The following ACP2 variants were observed in gnomAD, a reference collection of about 807,000 sequenced individuals.
The protein encoded by ACP2 is lysosomal acid phosphatase.
A neutral mutation model predicts 54.7 loss-of-function variants in ACP2; 35 were observed. The ratio of observed to expected loss-of-function variants is 0.64; its 90% CI spans 0.49 to 0.85. The LOEUF is 0.85. Ranked by LOEUF, ACP2 falls within the 40% of genes least tolerant of loss-of-function variation. ACP2 has a pLI of 0.00. For synonymous variants in ACP2, 210 were observed against 224.4 expected (o/e 0.94, Z 0.57); for missense variants, 492 against 565.0 (o/e 0.87, Z 1.31).
At chr11:47,242,047 C>T (rs182360468) in intron 10 of ACP2, among the ~76,000 whole-genome samples, 46 of 152,244 alleles carry the variant, frequency 3.0e-4, no homozygotes, top group Non-Finnish European at 6.0e-4. Context: ...CTGGGTCATC[C>T]GTTCTTTAGT....
In ACP2 at chr11:47,245,720, G is replaced by A. The variant is rs1269498222; in HGVS notation, c.412C>T (p.Pro138Ser). ...ATGGGCACAGTGTGCACAGGAATAGGCTGCCACGAGATGTTCGGGTTGAAG... is the reference window on the plus strand; with the variant it reads ...ATGGGCACAGTGTGCACAGGAATAGACTGCCACGAGATGTTCGGGTTGAAG... ...QRFNPNISWQ[P>S]IPVHTVPITE... Residue 138 changes from proline to serine, a missense_variant, in exon 4 of 11, where the codon CCT becomes TCT. Physicochemically the swap from Pro to Ser is moderately conservative, Grantham distance 74 (BLOSUM62 -1). Transcript: ENST00000672073. 1 of 1,613,844 alleles carries A rather than the reference G, an allele frequency of 6.2e-7. No individual in the cohort carries two copies. Among genetic ancestry groups the A allele is most frequent in the East Asian group, 2.2e-5 (1 of 44,866 alleles).
chr11:47,243,635 G>A (rs534501632), intron 7 of ACP2, among the ~76,000 whole-genome samples: 7 of 152,184 alleles, frequency 4.6e-5, no homozygotes, highest in African/African-American at 7.2e-5. Context: ...AGTACACAGC[G>A]GGTGGGTGCA....
chr11:47,241,572 T>A (rs1197961589), intron 10 of ACP2, among the ~76,000 whole-genome samples: 2 of 152,140 alleles, frequency 1.3e-5, no homozygotes, highest in African/African-American at 4.8e-5. Context: ...GGGACAAGAA[T>A]AGAACCAGAA....
intron 10 of ACP2, among the ~76,000 whole-genome samples, chr11:47,241,717 T>C (rs1953887327): frequency 1.3e-5 from 2 of 152,156 alleles, no homozygotes; most frequent in South Asian, 4.1e-4. Context: ...AGAAACGGTA[T>C]GCAGAATGAC....
At chr11:47,245,251 T>C in intron 6 of ACP2, 54 bp downstream of exon 6, 1 of 1,575,060 alleles carries the variant, frequency 6.3e-7, no homozygotes, top group African/African-American at 1.3e-5. Flanking sequence ...CCTGGTGACC[T>C]GGGCCTGCTG....
At chr11:47,242,591 G>T in intron 10 of ACP2, 132 bp downstream of exon 10, 1 of 1,041,434 alleles carries the variant, frequency 9.6e-7, no homozygotes, top group Non-Finnish European at 1.4e-6. Context: ...GTATAAAGCA[G>T]TCTGGGGTCG....
At chr11:47,240,427 C>T (rs901146303) in intron 10 of ACP2, among the ~76,000 whole-genome samples, 178 bp from the exon 11 acceptor site, 55 of 152,226 alleles carry the variant, frequency 3.6e-4, no homozygotes, top group African/African-American at 8.4e-4. Context: ...CAGTGGCTCA[C>T]GCCTATAATC....
chr11:47,244,998 A>G, intron 6 of ACP2, 131 bp from the exon 7 acceptor site: 2 of 1,443,182 alleles, frequency 1.4e-6, no homozygotes, highest in East Asian at 2.5e-5. Context: ...AGGGGCTGGA[A>G]CCAGTAGACA....
Position 47,244,756 on chromosome 11 carries a change from C to T in ACP2, c.751G>A (p.Glu251Lys). 1 of 1,609,988 alleles carries T rather than the reference C, an allele frequency of 6.2e-7. No individual in the cohort carries two copies. The highest frequency in any genetic ancestry group is 2.2e-5 in the East Asian group (1 of 44,746). The change falls in exon 7 of 11, where the codon GAG becomes AAG. Residue 251 changes from glutamate to lysine, a missense_variant. Glu to Lys is a moderately conservative substitution (Grantham distance 56). Coordinates refer to ENST00000672073, the MANE Select transcript of ACP2 (RefSeq NM_001610.4). Reference sequence around the variant, plus strand: ...TCACCCCCCTGAAGCCGGGCCTTCTCCGCCTGCTGGTAGATTCCGAAGAGG... The same window carrying T: ...TCACCCCCCTGAAGCCGGGCCTTCTTCGCCTGCTGGTAGATTCCGAAGAGG... Reference protein sequence around the residue: ...RFLFGIYQQAEKARLQGGVLL... With the variant: ...RFLFGIYQQAKKARLQGGVLL...
In ACP2 at chr11:47,244,875, T is replaced by A. The variant is rs1415076151; in HGVS notation, c.640-8A>T. On this transcript the variant is annotated splice_region_variant and splice_polypyrimidine_tract_variant and intron_variant, in intron 6 of 10. Coordinates refer to ENST00000672073, the MANE Select transcript of ACP2 (RefSeq NM_001610.4). ...GCGCAGCCCGTGCGTTTGCTGTGTA[T>A]CGCAGCAGGCAGGTTAGCGCCCCAG... 6.3e-7 allele frequency: 1 copy of A among 1,597,862 alleles called. No homozygotes were observed. The highest frequency in any genetic ancestry group is 1.7e-5 in the Admixed American group (1 of 58,586).
chr11:47,248,632 C>T (rs1954331534), intron 1 of ACP2, 44 bp downstream of exon 1: 2 of 1,579,172 alleles, frequency 1.3e-6, no homozygotes, highest in South Asian at 2.3e-5. Flanking sequence ...GGCCTTTGCC[C>T]TTTTAGCTTC....
At position 47,245,816 on chromosome 11, in the gene ACP2, C is replaced by G; in HGVS notation, c.316G>C (p.Asp106His). The G allele has an allele frequency of 6.3e-7, 1 of 1,583,528 alleles. No homozygotes were observed. The change falls in exon 4 of 11, where the codon GAC (aspartate) becomes CAC (histidine). Residue 106 changes from aspartate to histidine, a missense_variant. Asp to His is a moderately conservative substitution (Grantham distance 81). Transcript: ENST00000672073. ...GCACTCATGAGAGTCCGGTCAAAGT[C>G]TGTGCTTCGCACATAAACCTGCAGC... ...HRQEVYVRSTDFDRTLMSAEA... is the reference protein window; with the variant it reads ...HRQEVYVRSTHFDRTLMSAEA...
Position 47,240,206 on chromosome 11 carries a change from G to A in ACP2, c.1182C>T (p.Leu394=), listed in dbSNP as rs751174755. 1 of 1,612,152 alleles carries A rather than the reference G, an allele frequency of 6.2e-7. No homozygotes were observed. The highest frequency in any genetic ancestry group is 1.7e-4 in the Middle Eastern group (1 of 6,056). The stretch of plus-strand genomic sequence containing the variant: ...GGACGGTGAGGAGCAGCACTATGAG[G>A]AGGAAGAGGATGGAGCCACATACAG... The part of the protein sequence containing the change: ...ALAVCGSILF[L]LIVLLLTVLF... The change falls in exon 11 of 11, where the codon CTC becomes CTT. Residue 394 remains leucine (L), a synonymous_variant. Coordinates refer to ENST00000672073, the MANE Select transcript of ACP2 (RefSeq NM_001610.4).
At chr11:47,241,957 T>C (rs1953893339) in intron 10 of ACP2, among the ~76,000 whole-genome samples, 1 of 152,092 alleles carries the variant, frequency 6.6e-6, no homozygotes, top group African/African-American at 2.4e-5. Context: ...GAAGTGGGCA[T>C]GGAGATGGGC....
chr11:47,244,716 C>T lies in ACP2; in HGVS notation c.772+19G>A, dbSNP rs141710788. The T allele has an allele frequency of 1.5e-4, 236 of 1,579,808 alleles. No individual in the cohort carries two copies. In the Middle Eastern group the frequency reaches 1.5e-3, roughly 10 times the overall value. Reference sequence around the variant, plus strand: ...TAGGGTCCTGAGGAGTAGAGTGACACGCTGTCCTTGTCACTCACCCCCCTG... The same window carrying T: ...TAGGGTCCTGAGGAGTAGAGTGACATGCTGTCCTTGTCACTCACCCCCCTG... On this transcript the variant is annotated intron_variant, in intron 7 of 10. Transcript: ENST00000672073.
At position 47,245,561 on chromosome 11, in the gene ACP2, G is replaced by T. The variant is rs1565164477; in HGVS notation, c.462C>A (p.Phe154Leu). 5.6e-6 allele frequency: 9 copies of T among 1,614,242 alleles called. No homozygotes were observed. The highest frequency in any genetic ancestry group is 1.1e-5 in the South Asian group (1 of 91,076). The change falls in exon 5 of 11, where the codon TTC (phenylalanine) becomes TTA (leucine). Residue 154 changes from phenylalanine to leucine, a missense_variant. Transcript: ENST00000672073. ...CATAACGGGGACATGGGCCCAACGGGAACTTCAGCAGCTGTAGAGCGAAGC... is the reference window on the plus strand; with the variant it reads ...CATAACGGGGACATGGGCCCAACGGTAACTTCAGCAGCTGTAGAGCGAAGC... ...VPITEDRLLK[F>L]PLGPCPRYEQ...
intron 3 of ACP2, 73 bp downstream of exon 3, chr11:47,247,568 C>T (rs1954212881): frequency 6.4e-7 from 1 of 1,569,450 alleles, no homozygotes; most frequent in Non-Finnish European, 8.8e-7. Context: ...CAGCCTCAGC[C>T]TTAGGCTCCC....
Position 47,244,865 on chromosome 11 carries a change from T to G in ACP2, c.642A>C (p.Gln214His). The change falls in exon 7 of 11, where the codon CAA (glutamine) becomes CAC (histidine). Residue 214 changes from glutamine (Q) to histidine (H), a missense_variant and splice_region_variant. Transcript: ENST00000672073. ...AGGGCGGCAGGCGCAGCCCGTGCGT[T>G]TGCTGTGTATCGCAGCAGGCAGGTT... is the stretch of plus-strand genomic sequence containing the variant. ...WNVYDTLFCE[Q>H]THGLRLPPWA... The G allele has an allele frequency of 6.2e-7, 1 of 1,603,700 alleles. No individual in the cohort carries two copies. The highest frequency in any genetic ancestry group is 8.5e-7 in the Non-Finnish European group (1 of 1,173,094).
intron 10 of ACP2, among the ~76,000 whole-genome samples, chr11:47,241,517 CAAAAAAA>C (rs1384722335): frequency 6.6e-6 from 1 of 151,798 alleles, no homozygotes; most frequent in Non-Finnish European, 1.5e-5. Context: ...AACTCCATCT[CAAAAAAA>C]TAAAAAAAGT....
Sources: allele counts gnomAD v4.1 joint callset (sites outside exome capture counted in the v4.1 genomes callset), GRCh38; gene constraint gnomAD v4.1.1; transcripts MANE v1.5; gene names NCBI Gene and HGNC (gene_info 2026-07-23, HGNC 2026-07-21).